The following UBE2U variants were observed in gnomAD, a reference collection of about 807,000 sequenced individuals.
The protein encoded by UBE2U is ubiquitin-conjugating enzyme E2 U.
Under a neutral mutation model 41.2 loss-of-function variants are expected in UBE2U, and 39 were observed. The observed-to-expected ratio is 0.95, with a 90% CI of 0.73 to 1.24. The LOEUF (loss-of-function observed/expected upper bound fraction) is 1.24. Ranked by LOEUF, UBE2U falls within the 50% of genes most tolerant of loss-of-function variation. The pLI, the probability that UBE2U is intolerant of heterozygous loss-of-function variation, is 0.00. For missense variants in UBE2U, 336 were observed against 363.1 expected, an observed-to-expected ratio of 0.93 and a Z score of 0.61; for synonymous variants, 107 against 117.8, an observed-to-expected ratio of 0.91 and a Z score of 0.60.
At chr1:64,221,095 TA>T (rs1271056607) in intron 6 of UBE2U, among the ~76,000 whole-genome samples, 188 bp downstream of exon 6, 2 of 152,178 alleles carry the variant, frequency 1.3e-5, no homozygotes, top group Non-Finnish European at 2.9e-5. Context: ...GAATTAAAAT[TA>T]AATGTAACTA....
intron 8 of UBE2U, among the ~76,000 whole-genome samples, chr1:64,246,178 C>T (rs1332281912): frequency 6.6e-6 from 1 of 151,892 alleles, no homozygotes; most frequent in African/African-American, 2.4e-5. Flanking sequence ...ATATCAAATA[C>T]CAATAAAAAA....
At chr1:64,257,712 A>G (rs1020822103) in intron 8 of UBE2U, among the ~76,000 whole-genome samples, 2 of 152,142 alleles carry the variant, frequency 1.3e-5, no homozygotes, top group African/African-American at 4.8e-5. Flanking sequence ...GTAATCCACC[A>G]TGGCACACGT....
intron 7 of UBE2U, among the ~76,000 whole-genome samples, chr1:64,239,426 T>A (rs1403049179): frequency 1.3e-5 from 2 of 152,088 alleles, no homozygotes; most frequent in Non-Finnish European, 2.9e-5. Context: ...ACGTGCAGGT[T>A]TGTTACATAT....
intron 9 of UBE2U, among the ~76,000 whole-genome samples, chr1:64,262,455 A>G (rs1290277569): frequency 6.6e-6 from 1 of 152,162 alleles, no homozygotes; most frequent in Non-Finnish European, 1.5e-5. Context: ...AGTGGTTTGA[A>G]TGGGGGAGGA....
chr1:64,251,454 C>T (rs1645009920), intron 8 of UBE2U, among the ~76,000 whole-genome samples: 1 of 152,060 alleles, frequency 6.6e-6, no homozygotes, highest in Admixed American at 6.5e-5. Context: ...GTATCCATTT[C>T]TGATTTAAAA....
At chr1:64,230,376 C>T (rs555704191) in intron 6 of UBE2U, among the ~76,000 whole-genome samples, 1 of 152,160 alleles carries the variant, frequency 6.6e-6, no homozygotes, top group Non-Finnish European at 1.5e-5. Flanking sequence ...ATCAAGATTA[C>T]GGAATCAACT....
chr1:64,242,090 A>G (rs931604426), intron 8 of UBE2U, among the ~76,000 whole-genome samples: 1 of 152,212 alleles, frequency 6.6e-6, no homozygotes, highest in African/African-American at 2.4e-5. Context: ...AAAAAACTAT[A>G]TATCATCAAT....
At chr1:64,244,055 G>A in intron 8 of UBE2U, 2 of 974,624 alleles carry the variant, frequency 2.1e-6, no homozygotes, top group Middle Eastern at 2.1e-4. Flanking sequence ...AGTATCTGGT[G>A]CATGGCAAGC....
intron 7 of UBE2U, among the ~76,000 whole-genome samples, chr1:64,239,174 A>AGAAGAAGAAGAAGAAGAAG: frequency 1.1e-5 from 1 of 94,538 alleles, no homozygotes; most frequent in African/African-American, 4.4e-5. Context: ...AAGAAGAAGA[A>AGAAGAAGAAGAAGAAGAAG]GAAGAAGAAG....
chr1:64,253,988 G>A (rs1231785053), intron 8 of UBE2U, among the ~76,000 whole-genome samples: 4 of 152,108 alleles, frequency 2.6e-5, no homozygotes, highest in Admixed American at 6.6e-5. Context: ...AAGGAGCCAA[G>A]ACCCATTGGT....
intron 1 of UBE2U, 97 bp from the exon 2 acceptor site, chr1:64,205,542 A>C (rs1651240421): frequency 1.1e-6 from 1 of 948,388 alleles, no homozygotes; most frequent in Non-Finnish European, 1.6e-6. Flanking sequence ...GAAAATTTAG[A>C]GTTTTTAGAA....
rs535379198 is a variant in UBE2U, at chr1:64,208,443, G to A, written c.241+1587G>A. 3.8e-4 allele frequency among the ~76,000 whole-genome samples: 57 copies of A among 151,286 alleles called. 1 individual carries two copies. Among genetic ancestry groups the A allele is most frequent in the South Asian group, 1.5e-3 (7 of 4,766 alleles). On this transcript the variant is annotated intron_variant, in intron 3 of 9. Transcript: ENST00000371077. ...CAACATAGTGAGACCTGTCTCTACA[G>A]AAAATAAAAAAATTAGCTTGGCATG...
chr1:64,232,610 A>G lies in UBE2U; in HGVS notation c.556A>G (p.Ile186Val), dbSNP rs775855086. The G allele has an allele frequency of 3.0e-5, 49 of 1,613,536 alleles. No individual in the cohort carries two copies. Among genetic ancestry groups the G allele is most frequent in the Admixed American group, 2.5e-4 (15 of 59,968 alleles). The change falls in exon 7 of 10, where the codon ATA (isoleucine) becomes GTA (valine). Residue 186 changes from isoleucine to valine, a missense_variant. Physicochemically the swap from Ile to Val is conservative, Grantham distance 29. Transcript: ENST00000371077. ...FSDYYQTWSR[I>V]ATSKATEYYR... Reference sequence around the variant, plus strand: ...TGATTACTACCAGACATGGTCCAGAATAGCTACATCAAAAGCCACAGAATA... The same window carrying G: ...TGATTACTACCAGACATGGTCCAGAGTAGCTACATCAAAAGCCACAGAATA...
chr1:64,237,303 A>AG (rs1365727698), intron 7 of UBE2U, among the ~76,000 whole-genome samples: 6 of 117,140 alleles, frequency 5.1e-5, no homozygotes, highest in Non-Finnish European at 9.9e-5. Flanking sequence ...GATGTATCAT[A>AG]GAAAAAAAAA....
At chr1:64,260,232 T>C (rs1215837433) in intron 8 of UBE2U, among the ~76,000 whole-genome samples, 1 of 152,176 alleles carries the variant, frequency 6.6e-6, no homozygotes, top group Non-Finnish European at 1.5e-5. Context: ...TCCAGAACTA[T>C]GAGAGAATAC....
At chr1:64,254,436 C>T (rs1011413598) in intron 8 of UBE2U, among the ~76,000 whole-genome samples, 2 of 152,190 alleles carry the variant, frequency 1.3e-5, no homozygotes, top group South Asian at 2.1e-4. Flanking sequence ...CAACTCTCCA[C>T]CCAAAAACAA....
intron 8 of UBE2U, among the ~76,000 whole-genome samples, chr1:64,256,827 A>C (rs1219017560): frequency 1.3e-5 from 2 of 152,118 alleles, no homozygotes; most frequent in Non-Finnish European, 2.9e-5. Context: ...GTGAACAGAC[A>C]ACCTAAAGAA....
chr1:64,205,530 A>G, intron 1 of UBE2U, 109 bp from the exon 2 acceptor site: 1 of 857,710 alleles, frequency 1.2e-6, no homozygotes, highest in Non-Finnish European at 1.8e-6. Context: ...TTATCAAGGA[A>G]AGAAAATTTA....
At chr1:64,239,147 GAAGAAGAAGAAAGAAGAAGAA>G (rs1557730721) in intron 7 of UBE2U, among the ~76,000 whole-genome samples, 119 of 26,982 alleles carry the variant, frequency 4.4e-3, no homozygotes, top group Non-Finnish European at 6.6e-3. Flanking sequence ...AGAAGAAGAA[GAAGAAGAAGAAAGAAGAAGAA>G]GAAGAAGAAG....
Sources: allele counts gnomAD v4.1 joint callset (sites outside exome capture counted in the v4.1 genomes callset), GRCh38; gene constraint gnomAD v4.1.1; transcripts MANE v1.5; gene names NCBI Gene and HGNC (gene_info 2026-07-23, HGNC 2026-07-21).